The following RBM19 variants were observed in gnomAD, a reference collection of about 807,000 sequenced individuals.
The protein encoded by RBM19 is RNA binding motif protein 19.
A neutral mutation model predicts 116.8 loss-of-function variants in RBM19; 94 were observed. That is an observed-to-expected ratio of 0.80 (90% CI 0.68 to 0.95). The LOEUF (loss-of-function observed/expected upper bound fraction) is 0.95. Among genes scored for constraint, RBM19 ranks in the 40% least tolerant of loss-of-function variants. RBM19 has a pLI of 0.00. For synonymous variants in RBM19, 475 were observed against 494.1 expected (o/e 0.96, Z 0.51); for missense variants, 1,161 against 1,220.7 (o/e 0.95, Z 0.73).
At chr12:113,952,489 C>G in intron 8 of RBM19, 23 bp downstream of exon 8, 1 of 1,601,926 alleles carries the variant, frequency 6.2e-7, no homozygotes, top group Non-Finnish European at 8.5e-7. Context: ...CGCCTTCCCA[C>G]CTGGAAACAT....
chr12:113,961,234 C>T (rs1004157236), intron 2 of RBM19, among the ~76,000 whole-genome samples: 7 of 152,054 alleles, frequency 4.6e-5, no homozygotes, highest in Admixed American at 1.3e-4. Flanking sequence ...CTATGTTGCA[C>T]AGGCTGGTCT....
chr12:113,953,653 C>T (rs917353729), intron 7 of RBM19, among the ~76,000 whole-genome samples: 5 of 152,204 alleles, frequency 3.3e-5, no homozygotes, highest in African/African-American at 1.2e-4. Flanking sequence ...CACTTGTAGA[C>T]TCTGCTACAG....
At chr12:113,853,806 G>A (rs1467378193) in intron 22 of RBM19, among the ~76,000 whole-genome samples, 1 of 152,186 alleles carries the variant, frequency 6.6e-6, no homozygotes, top group East Asian at 1.9e-4. Context: ...TGCTAGTGGG[G>A]GCAGCTGACT....
At chr12:113,832,887 A>G (rs920691592) in intron 23 of RBM19, among the ~76,000 whole-genome samples, 11 of 152,170 alleles carry the variant, frequency 7.2e-5, no homozygotes, top group African/African-American at 2.2e-4. Context: ...GCAAAGGCTG[A>G]CGTGGGGATA....
chr12:113,867,940 A>C (rs1878948584), intron 21 of RBM19, among the ~76,000 whole-genome samples: 1 of 152,144 alleles, frequency 6.6e-6, no homozygotes, highest in African/African-American at 2.4e-5. Context: ...TAAATAAATA[A>C]ATAAATAAAT....
At chr12:113,847,993 T>C (rs1185534439) in intron 22 of RBM19, among the ~76,000 whole-genome samples, 3 of 152,234 alleles carry the variant, frequency 2.0e-5, no homozygotes, top group Non-Finnish European at 4.4e-5. Context: ...GGGTGGGCTC[T>C]GCTGCTGGCC....
intron 13 of RBM19, among the ~76,000 whole-genome samples, chr12:113,943,207 A>C (rs1052548618): frequency 6.6e-6 from 1 of 152,170 alleles, no homozygotes; most frequent in Non-Finnish European, 1.5e-5. Flanking sequence ...GCCGCACTGC[A>C]CCTCTGCTAA....
chr12:113,927,224 C>G lies in RBM19; in HGVS notation c.2074G>C (p.Asp692His). 1.3e-6 allele frequency: 2 copies of G among 1,556,790 alleles called. No homozygotes were observed. Among genetic ancestry groups the G allele is most frequent in the Non-Finnish European group, 1.7e-6 (2 of 1,150,342 alleles). The stretch of plus-strand genomic sequence containing the variant: ...TTTTCATCTTCTGGGGTTTCGCCAT[C>G]AGGCACTGAACCCCCATCAAAACAA... ...KDPAEPETVP[D>H]GETPEDENPT... The change falls in exon 17 of 24, where the codon GAT (aspartate) becomes CAT (histidine). Residue 692 changes from aspartate to histidine, a missense_variant. Coordinates refer to ENST00000261741, the MANE Select transcript of RBM19 (RefSeq NM_016196.4).
At chr12:113,842,733 C>T (rs1876603921) in intron 23 of RBM19, among the ~76,000 whole-genome samples, 1 of 152,034 alleles carries the variant, frequency 6.6e-6, no homozygotes, top group African/African-American at 2.4e-5. Context: ...ATTACTGATA[C>T]CTGTGGAGGG....
chr12:113,880,778 G>A lies in RBM19; in HGVS notation c.2559-21882C>T, dbSNP rs141845973. ...CTGATGCCCCCTAATTTACTGTTCCGTTTTCCCACCTGTACCTTAGCTCTG... is the reference window on the plus strand; with the variant it reads ...CTGATGCCCCCTAATTTACTGTTCCATTTTCCCACCTGTACCTTAGCTCTG... On this transcript the variant is annotated intron_variant, in intron 21 of 23. Coordinates refer to ENST00000261741, the MANE Select transcript of RBM19 (RefSeq NM_016196.4). Among the ~76,000 whole-genome samples the A allele has an allele frequency of 3.7e-3, 570 of 152,186 alleles. 1 individual carries two copies. The highest frequency in any genetic ancestry group is 5.7e-3 in the Non-Finnish European group (389 of 68,018).
chr12:113,919,740 G>A (rs373836816), intron 19 of RBM19, among the ~76,000 whole-genome samples: 28 of 152,186 alleles, frequency 1.8e-4, no homozygotes, highest in African/African-American at 6.5e-4. Context: ...TGTCTGAATA[G>A]GATGTTGAGT....
At chr12:113,875,104 C>A (rs946469165) in intron 21 of RBM19, among the ~76,000 whole-genome samples, 5 of 152,342 alleles carry the variant, frequency 3.3e-5, no homozygotes, top group Middle Eastern at 3.4e-3. Flanking sequence ...GCGGACCGTT[C>A]GACAGAAAGC....
intron 21 of RBM19, among the ~76,000 whole-genome samples, chr12:113,873,852 C>A (rs935055851): frequency 6.6e-6 from 1 of 152,186 alleles, no homozygotes; most frequent in African/African-American, 2.4e-5. Context: ...ACGCATGGTG[C>A]GGGTGATGAG....
chr12:113,956,353 G>A (rs1871938573), intron 6 of RBM19, among the ~76,000 whole-genome samples: 1 of 151,982 alleles, frequency 6.6e-6, no homozygotes, highest in Non-Finnish European at 1.5e-5. Context: ...GGCTGAGGTG[G>A]GTTGATCACT....
intron 21 of RBM19, among the ~76,000 whole-genome samples, chr12:113,892,678 G>T (rs1881041303): frequency 6.6e-6 from 1 of 152,190 alleles, no homozygotes; most frequent in Non-Finnish European, 1.5e-5. Context: ...CAGAGACGGG[G>T]AAGAGAGAAT....
chr12:113,949,022 C>T lies in RBM19; in HGVS notation c.1087G>A (p.Glu363Lys), dbSNP rs369295504. ...NREYMGGRYI[E>K]VFREKNVPTT... The stretch of plus-strand genomic sequence containing the variant: ...GGGACGTTCTTTTCCCTGAACACCT[C>T]GATGTAGCGCCCACCTGCAATGAAG... The change falls in exon 10 of 24, where the codon GAG becomes AAG. Residue 363 changes from glutamate to lysine, a missense_variant. Physicochemically the swap from Glu to Lys is moderately conservative, Grantham distance 56. Coordinates refer to ENST00000261741, the MANE Select transcript of RBM19 (RefSeq NM_016196.4). The T allele has an allele frequency of 1.5e-4, 244 of 1,613,238 alleles. No individual in the cohort carries two copies. Among genetic ancestry groups the T allele is most frequent in the Non-Finnish European group, 1.9e-4 (221 of 1,179,434 alleles).
At chr12:113,950,897 C>G (rs1055649656) in intron 8 of RBM19, among the ~76,000 whole-genome samples, 2 of 152,238 alleles carry the variant, frequency 1.3e-5, no homozygotes, top group Admixed American at 1.3e-4. Context: ...TTCCCTCCCC[C>G]TCTCCATGGC....
rs183796526 is a variant in RBM19, at chr12:113,860,230, G to C, written c.2559-1334C>G. Among the ~76,000 whole-genome samples the C allele has an allele frequency of 4.4e-3, 664 of 152,292 alleles. 4 individuals carry two copies. The highest frequency in any genetic ancestry group is 0.015 in the African/African-American group (604 of 41,562). On this transcript the variant is annotated intron_variant, in intron 21 of 23. Coordinates refer to ENST00000261741, the MANE Select transcript of RBM19 (RefSeq NM_016196.4). ...GCCCGGTCAGGTTTCCCTGCTGGAG[G>C]GGGGCCAGGGCTGGGGACCAGAGGC...
chr12:113,935,990 C>T (rs1382582512), intron 16 of RBM19, among the ~76,000 whole-genome samples: 4 of 152,008 alleles, frequency 2.6e-5, no homozygotes, highest in East Asian at 1.9e-4. Flanking sequence ...GAGCCAAGAT[C>T]GCGCACTCCA....
Sources: allele counts gnomAD v4.1 joint callset (sites outside exome capture counted in the v4.1 genomes callset), GRCh38; gene constraint gnomAD v4.1.1; transcripts MANE v1.5; gene names NCBI Gene and HGNC (gene_info 2026-07-23, HGNC 2026-07-21).